Variants in NCKAP1L observed in about 807,000 individuals in gnomAD.
NCKAP1L encodes nck-associated protein 1-like.
NCKAP1L carries 53 observed loss-of-function variants against 139.2 expected under a neutral mutation model. The observed-to-expected ratio is 0.38, with a 90% CI of 0.31 to 0.48. The LOEUF (loss-of-function observed/expected upper bound fraction) is 0.48, where lower values mean the gene tolerates loss of function less well. Ranked by LOEUF, NCKAP1L falls within the 20% of genes least tolerant of loss-of-function variation. NCKAP1L has a pLI of 0.98. For missense variants in NCKAP1L, 1,151 were observed against 1,381.9 expected (o/e 0.83, Z 2.65); for synonymous variants, 468 against 499.7 (o/e 0.94, Z 0.85).
intron 20 of NCKAP1L, among the ~76,000 whole-genome samples, chr12:54,525,791 C>T (rs974788107): frequency 6.6e-6 from 1 of 152,154 alleles, no homozygotes; most frequent in African/African-American, 2.4e-5. Flanking sequence ...CAAAAAACTA[C>T]CTCTTTCCTC....
intron 30 of NCKAP1L, among the ~76,000 whole-genome samples, chr12:54,540,809 T>C (rs1165606365): frequency 1.3e-5 from 2 of 152,204 alleles, no homozygotes; most frequent in African/African-American, 4.8e-5. Context: ...ATGTGGAAAG[T>C]GTTTGCCCCT....
intron 30 of NCKAP1L, 53 bp from the exon 31 acceptor site, chr12:54,542,522 C>A: frequency 7.4e-7 from 1 of 1,344,252 alleles, no homozygotes; most frequent in Non-Finnish European, 1.1e-6. Flanking sequence ...AACAGGGTAT[C>A]ACAGACAAAT....
In NCKAP1L at chr12:54,535,114, G is replaced by T; in HGVS notation, c.2873G>T (p.Ser958Ile). 6.2e-7 allele frequency: 1 copy of T among 1,613,380 alleles called. No homozygotes were observed. The highest frequency in any genetic ancestry group is 8.5e-7 in the Non-Finnish European group (1 of 1,179,594). The change falls in exon 27 of 31, where the codon AGT becomes ATT. Residue 958 changes from serine to isoleucine, a missense_variant. By Grantham distance (142) the Ser-to-Ile change is moderately radical. Transcript: ENST00000293373. The part of the protein sequence containing the change: ...TPDTDIKVTL[S>I]IFELASAAGV... ...TTTTCTTCTCTCCAGGTGACCTTGAGTATCTTTGAGCTGGCATCTGCTGCA... is the reference window on the plus strand; with the variant it reads ...TTTTCTTCTCTCCAGGTGACCTTGATTATCTTTGAGCTGGCATCTGCTGCA...
Position 54,535,182 on chromosome 12 carries a change from G to T in NCKAP1L, c.2941G>T (p.Ala981Ser). 1 of 1,613,616 alleles carries T rather than the reference G, an allele frequency of 6.2e-7. No homozygotes were observed. The highest frequency in any genetic ancestry group is 8.5e-7 in the Non-Finnish European group (1 of 1,179,686). The part of the protein sequence containing the change: ...DIDPALVAAI[A>S]NLKADTSSPE... The stretch of plus-strand genomic sequence containing the variant: ...TGACCCAGCCTTGGTGGCTGCCATT[G>T]CTAATCTGAAAGCTGGTAAGATTGG... Residue 981 changes from alanine (A) to serine (S), a missense_variant, in exon 27 of 31, where the codon GCT becomes TCT. Transcript: ENST00000293373.
At position 54,536,217 on chromosome 12, in the gene NCKAP1L, T is replaced by G; in HGVS notation, c.3045T>G (p.Pro1015=). 1 of 1,612,928 alleles carries G rather than the reference T, an allele frequency of 6.2e-7. No homozygotes were observed. Among genetic ancestry groups the G allele is most frequent in the Non-Finnish European group, 8.5e-7 (1 of 1,179,428 alleles). The change falls in exon 28 of 31, where the codon CCT becomes CCG. Residue 1015 remains proline (P), a synonymous_variant. Coordinates refer to ENST00000293373, the MANE Select transcript of NCKAP1L (RefSeq NM_005337.5). The stretch of plus-strand genomic sequence containing the variant: ...CCCTCCCACTCCTTGCCACTGACCC[T>G]TCTTCCTTTTATAGCATTGAGAAGG... ...AVSLPLLATD[P]SSFYSIEKDG... is the part of the protein sequence containing the mutation.
At chr12:54,531,436 T>C (rs753530850) in intron 23 of NCKAP1L, 55 bp from the exon 24 acceptor site, 23 of 1,606,532 alleles carry the variant, frequency 1.4e-5, no homozygotes, top group Admixed American at 1.7e-5. Context: ...GGGGGGAAGA[T>C]GTAACATTGG....
intron 3 of NCKAP1L, among the ~76,000 whole-genome samples, chr12:54,501,666 G>A (rs992587253): frequency 6.6e-6 from 1 of 152,066 alleles, no homozygotes; most frequent in Non-Finnish European, 1.5e-5. Context: ...CACCACACCT[G>A]GCTAAGTTTT....
intron 13 of NCKAP1L, among the ~76,000 whole-genome samples, chr12:54,518,420 T>G (rs1956951759): frequency 6.6e-6 from 1 of 152,196 alleles, no homozygotes; most frequent in Non-Finnish European, 1.5e-5. Context: ...CCGTCTTTTT[T>G]TCCCCACTAA....
chr12:54,519,316 G>C lies in NCKAP1L; in HGVS notation c.1609G>C (p.Asp537His). The C allele has an allele frequency of 6.3e-7, 1 of 1,576,512 alleles. No individual in the cohort carries two copies. The highest frequency in any genetic ancestry group is 8.5e-7 in the Non-Finnish European group (1 of 1,170,074). Reference sequence around the variant, plus strand: ...AGAAAAATTGCTGGTGGAAACTTCTGATCTGTCTACTTTCTGGTATGTCTT... The same window carrying C: ...AGAAAAATTGCTGGTGGAAACTTCTCATCTGTCTACTTTCTGGTATGTCTT... The part of the protein sequence containing the change: ...SVEKLLVETS[D>H]LSTFCFHLRI... The change falls in exon 16 of 31, where the codon GAT becomes CAT. Residue 537 changes from aspartate (D) to histidine (H), a missense_variant. Asp to His is a moderately conservative substitution (Grantham distance 81). Coordinates refer to ENST00000293373, the MANE Select transcript of NCKAP1L (RefSeq NM_005337.5).
intron 9 of NCKAP1L, among the ~76,000 whole-genome samples, chr12:54,514,813 G>T (rs1171338335): frequency 3.3e-5 from 5 of 152,162 alleles, no homozygotes; most frequent in African/African-American, 1.2e-4. Context: ...CATTGCCAGA[G>T]TTAGAAAGAG....
At chr12:54,531,720 C>T in intron 24 of NCKAP1L, 23 bp from the exon 25 acceptor site, 1 of 1,609,564 alleles carries the variant, frequency 6.2e-7, no homozygotes, top group Middle Eastern at 1.7e-4. Context: ...ATTATCTTTT[C>T]TAACACGCTT....
chr12:54,516,697 C>T (rs754141270), intron 10 of NCKAP1L, among the ~76,000 whole-genome samples, 199 bp from the exon 11 acceptor site: 25 of 152,154 alleles, frequency 1.6e-4, no homozygotes, highest in African/African-American at 2.7e-4. Flanking sequence ...CTGCCCACCT[C>T]GGCCTCCCAA....
At chr12:54,521,568 A>G (rs1956983823) in intron 18 of NCKAP1L, among the ~76,000 whole-genome samples, 1 of 152,110 alleles carries the variant, frequency 6.6e-6, no homozygotes, top group Admixed American at 6.5e-5. Flanking sequence ...GCGTACACAT[A>G]CTAAGGACAG....
intron 4 of NCKAP1L, 113 bp from the exon 5 acceptor site, chr12:54,508,276 C>T: frequency 8.9e-7 from 1 of 1,126,372 alleles, no homozygotes; most frequent in Non-Finnish European, 1.3e-6. Flanking sequence ...GTTCCTACTT[C>T]TAAATAGATT....
intron 22 of NCKAP1L, among the ~76,000 whole-genome samples, chr12:54,530,188 C>G (rs2120953055): frequency 6.6e-6 from 1 of 152,352 alleles, no homozygotes; most frequent in East Asian, 1.9e-4. Flanking sequence ...CCATTTCTCT[C>G]TGAACTCTTA....
Position 54,542,952 on chromosome 12 carries a change from G to T in NCKAP1L, c.*267G>T. On this transcript the variant is annotated 3_prime_UTR_variant, in exon 31 of 31. Coordinates refer to ENST00000293373, the MANE Select transcript of NCKAP1L (RefSeq NM_005337.5). ...ATGTGTGAATTTTACAATGAAAAAA[G>T]GAGTAACGTACAAGTATATTTTCTA... is the stretch of plus-strand genomic sequence containing the variant. 2.6e-6 allele frequency: 1 copy of T among 380,778 alleles called. No homozygotes were observed. The highest frequency in any genetic ancestry group is 4.5e-5 in the East Asian group (1 of 22,408). The allele number at this position is 380,778 out of a possible 1,614,324, so 23.6% of individuals were successfully genotyped here.
intron 29 of NCKAP1L, among the ~76,000 whole-genome samples, chr12:54,537,326 G>A (rs574591710): frequency 9.2e-5 from 14 of 152,276 alleles, no homozygotes; most frequent in African/African-American, 3.4e-4. Flanking sequence ...CCATTAAGTA[G>A]TTGTGTGACC....
chr12:54,509,967 C>G lies in NCKAP1L; in HGVS notation c.717C>G (p.Asn239Lys). 6.2e-7 allele frequency: 1 copy of G among 1,614,212 alleles called. No individual in the cohort carries two copies. The highest frequency in any genetic ancestry group is 8.5e-7 in the Non-Finnish European group (1 of 1,180,032). The change falls in exon 7 of 31, where the codon AAC (asparagine) becomes AAG (lysine). Residue 239 changes from asparagine to lysine, a missense_variant. Coordinates refer to ENST00000293373, the MANE Select transcript of NCKAP1L (RefSeq NM_005337.5). Reference protein sequence around the residue: ...SLISNPPAMINPANSDTMACE... With the variant: ...SLISNPPAMIKPANSDTMACE... ...TCAGCAACCCCCCAGCCATGATTAA[C>G]CCTGCTAATTCAGATACAGTGAGTG...
intron 3 of NCKAP1L, among the ~76,000 whole-genome samples, chr12:54,502,867 G>A (rs887377996): frequency 9.5e-5 from 14 of 146,912 alleles, no homozygotes; most frequent in Non-Finnish European, 1.5e-4. Flanking sequence ...GCATGGTAGT[G>A]AGTGCCTGTA....
Sources: gnomAD v4.1 joint callset for allele counts (sites outside exome capture counted in the v4.1 genomes callset) on GRCh38, gnomAD v4.1.1 for gene constraint, MANE v1.5 for transcripts, NCBI Gene and HGNC (gene_info 2026-07-23, HGNC 2026-07-21) for gene names.